The following CPAP variants were observed in gnomAD, a reference collection of about 807,000 sequenced individuals.
The protein encoded by CPAP is centrosomal P4.1-associated protein.
the CPAP span, among the ~76,000 whole-genome samples, chr13:24,920,589 T>C: frequency 4.6e-5 from 7 of 151,182 alleles, no homozygotes; most frequent in African/African-American, 1.5e-4. Flanking sequence ...AAATAAATAA[T>C]GATGTGTGAA....
chr13:24,903,483 G>A, the CPAP span, among the ~76,000 whole-genome samples: 4 of 152,198 alleles, frequency 2.6e-5, no homozygotes, highest in African/African-American at 7.2e-5. Context: ...AAATACCAAC[G>A]TGTGCCTGAA....
At chr13:24,886,255 T>C in the CPAP span, 1 of 1,223,994 alleles carries the variant, frequency 8.2e-7, no homozygotes, top group Non-Finnish European at 1.1e-6. Flanking sequence ...CTCGAGCAAG[T>C]GCCAGAATCT....
the CPAP span, among the ~76,000 whole-genome samples, chr13:24,915,386 A>G: frequency 1.3e-5 from 2 of 152,324 alleles, no homozygotes; most frequent in South Asian, 2.1e-4. Flanking sequence ...AGCTGGGTGC[A>G]CTAGAATGGA....
the CPAP span, among the ~76,000 whole-genome samples, chr13:24,908,666 G>A: frequency 0.02 from 3,019 of 151,914 alleles, 110 homozygotes; most frequent in African/African-American, 0.069. Context: ...AAAAGTGTGG[G>A]GTTTTCTAGA....
the CPAP span, among the ~76,000 whole-genome samples, chr13:24,928,729 C>A: frequency 6.6e-6 from 1 of 152,154 alleles, no homozygotes; most frequent in African/African-American, 2.4e-5. Context: ...CACACCTGGC[C>A]AGTAAAGAAG....
the CPAP span, chr13:24,884,526 C>T: frequency 4.2e-5 from 64 of 1,513,628 alleles, no homozygotes; most frequent in South Asian, 5.5e-4. Flanking sequence ...GGCTAATTCT[C>T]CTCCCAACTG....
the CPAP span, among the ~76,000 whole-genome samples, chr13:24,914,952 G>A: frequency 6.6e-6 from 1 of 152,096 alleles, no homozygotes; most frequent in East Asian, 1.9e-4. Context: ...GTGCACGCCT[G>A]TAATCCCAGC....
At chr13:24,899,637 T>C in the CPAP span, 3 of 1,448,402 alleles carry the variant, frequency 2.1e-6, no homozygotes, top group Non-Finnish European at 2.9e-6. Flanking sequence ...AGTGCAGTGA[T>C]GTGCAGAACC....
chr13:24,914,712 G>A, the CPAP span, among the ~76,000 whole-genome samples: 2 of 152,290 alleles, frequency 1.3e-5, no homozygotes, highest in Admixed American at 1.3e-4. Flanking sequence ...GGAGGTCGAG[G>A]CTGCTGTAAG....
chr13:24,906,055 C>T, the CPAP span: 1 of 1,613,790 alleles, frequency 6.2e-7, no homozygotes, highest in Admixed American at 1.7e-5. Flanking sequence ...CAGCTGAGGA[C>T]AATGAATGAA....
At chr13:24,914,633 A>C in the CPAP span, among the ~76,000 whole-genome samples, 1 of 151,788 alleles carries the variant, frequency 6.6e-6, no homozygotes, top group Admixed American at 6.6e-5. Flanking sequence ...CAGACTACAC[A>C]CTCCTTTTCT....
At chr13:24,890,706 G>C in the CPAP span, among the ~76,000 whole-genome samples, 1 of 152,316 alleles carries the variant, frequency 6.6e-6, no homozygotes, top group African/African-American at 2.4e-5. Context: ...TGTTCACAGA[G>C]ATGACCTCTG....
the CPAP span, chr13:24,889,380 T>C: frequency 6.2e-7 from 1 of 1,610,156 alleles, no homozygotes; most frequent in Non-Finnish European, 8.5e-7. Context: ...TCTGACTGTT[T>C]TGAAATCGAA....
chr13:24,893,186 GGAGATCCCAAAAAGAA>G, the CPAP span, among the ~76,000 whole-genome samples: 1 of 152,134 alleles, frequency 6.6e-6, no homozygotes, highest in Non-Finnish European at 1.5e-5. Flanking sequence ...GATCCAGGGG[GGAGATCCCAAAAAGAA>G]GAAATGCAAT....
chr13:24,883,068 C>CCAA, the CPAP span: 1 of 983,412 alleles, frequency 1.0e-6, no homozygotes, highest in African/African-American at 1.6e-5. Context: ...ATTTTAGAAT[C>CCAA]TAATCTTTTC....
At chr13:24,883,690 T>C in the CPAP span, among the ~76,000 whole-genome samples, 1 of 152,242 alleles carries the variant, frequency 6.6e-6, no homozygotes, top group African/African-American at 2.4e-5. Flanking sequence ...AGTGTTTGTT[T>C]GCTCTGTATC....
chr13:24,884,387 C>T, the CPAP span: 1 of 1,614,090 alleles, frequency 6.2e-7, no homozygotes, highest in Non-Finnish European at 8.5e-7. Flanking sequence ...GATGGTCTTC[C>T]CATCTGCACT....
chr13:24,912,768 G>T, the CPAP span: 1 of 1,614,196 alleles, frequency 6.2e-7, no homozygotes, highest in Non-Finnish European at 8.5e-7. Flanking sequence ...ACTGTGGTTT[G>T]TAAGGGTTGT....
the CPAP span, chr13:24,886,266 G>A: frequency 7.9e-7 from 1 of 1,267,488 alleles, no homozygotes; most frequent in Non-Finnish European, 1.0e-6. Flanking sequence ...GCCAGAATCT[G>A]ACCTCCATGT....
Sources: allele counts gnomAD v4.1 joint callset (sites outside exome capture counted in the v4.1 genomes callset), GRCh38; gene constraint gnomAD v4.1.1; transcripts MANE v1.5; gene names NCBI Gene and HGNC (gene_info 2026-07-23, HGNC 2026-07-21).